FAM91A1: variants seen among roughly 807,000 people sequenced by gnomAD.
The protein encoded by FAM91A1 is family with sequence similarity 91 member A1, also known as protein FAM91A1.
In FAM91A1, 41 loss-of-function variants were observed where a neutral mutation model predicts 113.5. That is an observed-to-expected ratio of 0.36 (90% confidence interval 0.28 to 0.47). The LOEUF is 0.47. Ranked by LOEUF, FAM91A1 falls within the 20% of genes least tolerant of loss-of-function variation. FAM91A1 has a pLI of 1.00. For synonymous variants in FAM91A1, 307 were observed against 347.9 expected, an observed-to-expected ratio of 0.88 and a Z score of 1.31; for missense variants, 696 against 1,001.2, an observed-to-expected ratio of 0.70 and a Z score of 4.11.
At chr8:123,792,408 T>C (rs1263199956) in intron 15 of FAM91A1, among the ~76,000 whole-genome samples, 1 of 152,236 alleles carries the variant, frequency 6.6e-6, no homozygotes, top group African/African-American at 2.4e-5. Context: ...CACGGCGTAC[T>C]GTTTATAAAT....
chr8:123,795,597 C>A lies in FAM91A1; in HGVS notation c.1412-2493C>A, dbSNP rs780184639. Reference sequence around the variant, plus strand: ...CCTGTACAGCCTGCAGAACCATGAGCCAATTAAACCTGTTTTCTTCATAAA... The same window carrying A: ...CCTGTACAGCCTGCAGAACCATGAGACAATTAAACCTGTTTTCTTCATAAA... On this transcript the variant is annotated intron_variant, in intron 15 of 23. Transcript: ENST00000334705. Among the ~76,000 whole-genome samples the A allele has an allele frequency of 2.5e-4, 38 of 152,268 alleles. 2 individuals are homozygous for A. Among genetic ancestry groups the A allele is most frequent in the South Asian group, 6.2e-4 (3 of 4,812 alleles).
intron 15 of FAM91A1, among the ~76,000 whole-genome samples, chr8:123,797,463 C>T (rs1478892678): frequency 6.6e-6 from 1 of 152,176 alleles, no homozygotes; most frequent in Non-Finnish European, 1.5e-5. Context: ...TTGGAGACAA[C>T]AAGCCCAGTC....
intron 15 of FAM91A1, among the ~76,000 whole-genome samples, chr8:123,792,404 G>A (rs753346805): frequency 4.6e-5 from 7 of 152,100 alleles, no homozygotes; most frequent in African/African-American, 9.7e-5. Flanking sequence ...ATAGCACGGC[G>A]TACTGTTTAT....
intron 3 of FAM91A1, among the ~76,000 whole-genome samples, chr8:123,776,733 C>A (rs1258352429): frequency 1.3e-5 from 2 of 152,122 alleles, no homozygotes; most frequent in Non-Finnish European, 2.9e-5. Context: ...AGAAAACGGG[C>A]CTTATCCCCA....
chr8:123,804,343 T>C (rs1486545711), intron 18 of FAM91A1, among the ~76,000 whole-genome samples: 1 of 151,556 alleles, frequency 6.6e-6, no homozygotes, highest in Non-Finnish European at 1.5e-5. Flanking sequence ...AAAAAATAGT[T>C]AGCCGGGTGT....
At chr8:123,804,103 CAT>C (rs1334141018) in intron 18 of FAM91A1, among the ~76,000 whole-genome samples, 5 of 152,128 alleles carry the variant, frequency 3.3e-5, no homozygotes, top group Non-Finnish European at 7.4e-5. Context: ...TCATTTGTAA[CAT>C]GAGAGTGAAG....
chr8:123,801,478 C>T (rs1348466728), intron 18 of FAM91A1, among the ~76,000 whole-genome samples: 3 of 152,278 alleles, frequency 2.0e-5, no homozygotes, highest in South Asian at 2.1e-4. Context: ...ATAGGTTCTC[C>T]GTAAAGATTT....
At chr8:123,800,136 T>C (rs184377700) in intron 18 of FAM91A1, among the ~76,000 whole-genome samples, 1 of 152,056 alleles carries the variant, frequency 6.6e-6, no homozygotes, top group Non-Finnish European at 1.5e-5. Flanking sequence ...TGATTTTTTT[T>C]ATTTTTTTTT....
At position 123,805,995 on chromosome 8, in the gene FAM91A1, A is replaced by G; in HGVS notation, c.1883-85A>G. 4 of 1,293,704 alleles carry G rather than the reference A, an allele frequency of 3.1e-6. No individual in the cohort carries two copies. In the South Asian group the frequency reaches 8.7e-5, roughly 28 times the overall value. The allele number at this position is 1,293,704 out of a possible 1,614,324, so 80.1% of individuals were successfully genotyped here. ...GTATTAAAGTATAAAAGTAGTTCTA[A>G]GAGTTGTTTAATAAAGTATGTTTAA... On this transcript the variant is annotated intron_variant, in intron 19 of 23. Coordinates refer to ENST00000334705, the MANE Select transcript of FAM91A1 (RefSeq NM_144963.4).
rs1814755164 is a variant in FAM91A1 at position 123,768,481 on chromosome 8, C to T, written c.-222C>T. 2.2e-6 allele frequency: 1 copy of T among 463,102 alleles called. No individual in the cohort carries two copies. The highest frequency in any genetic ancestry group is 3.9e-5 in the South Asian group (1 of 25,350). The allele number at this position is 463,102 out of a possible 1,614,324, so 28.7% of individuals were successfully genotyped here. ...CCCGAAACTAGGAAGAAACTTGGAG[C>T]TGTTCAGGCGATCCAGCCTCCAATC... On this transcript the variant is annotated 5_prime_UTR_variant, in exon 1 of 24. Coordinates refer to ENST00000334705, the MANE Select transcript of FAM91A1 (RefSeq NM_144963.4).
At position 123,784,527 on chromosome 8, in the gene FAM91A1, T is replaced by C; in HGVS notation, c.761T>C (p.Leu254Pro). ...GTGCAAGGTGATTATTTTGAAACTC[T>C]ACTCTATAAGATATTTGTTTCAATA... is the stretch of plus-strand genomic sequence containing the variant. ...NRVQGDYFET[L>P]LYKIFVSIDE... The change falls in exon 9 of 24, where the codon CTA (leucine) becomes CCA (proline). Residue 254 changes from leucine to proline, a missense_variant. Leu to Pro is a moderately conservative substitution (Grantham distance 98). Coordinates refer to ENST00000334705, the MANE Select transcript of FAM91A1 (RefSeq NM_144963.4). 1 of 1,608,536 alleles carries C rather than the reference T, an allele frequency of 6.2e-7. No individual in the cohort carries two copies. Among genetic ancestry groups the C allele is most frequent in the Non-Finnish European group, 8.5e-7 (1 of 1,178,052 alleles).
chr8:123,770,980 T>G (rs538148194), intron 1 of FAM91A1, among the ~76,000 whole-genome samples: 2 of 152,358 alleles, frequency 1.3e-5, no homozygotes, highest in East Asian at 3.9e-4. Context: ...TCTCTTGCTC[T>G]TAGAATAGGA....
intron 15 of FAM91A1, among the ~76,000 whole-genome samples, chr8:123,795,215 G>A (rs1297616220): frequency 6.6e-6 from 1 of 152,190 alleles, no homozygotes; most frequent in Non-Finnish European, 1.5e-5. Context: ...AGCAGGAGAA[G>A]CAGTTTCTGT....
intron 23 of FAM91A1, chr8:123,811,467 G>C (rs973145775): frequency 6.6e-6 from 1 of 152,206 alleles, no homozygotes; most frequent in African/African-American, 2.4e-5. Context: ...GTCTGTTGTG[G>C]CAGTGAAGGC....
intron 8 of FAM91A1, 86 bp from the exon 9 acceptor site, chr8:123,784,384 T>G (rs1586376507): frequency 1.0e-6 from 1 of 978,226 alleles, no homozygotes; most frequent in Non-Finnish European, 1.5e-6. Flanking sequence ...AGTTAGAGGT[T>G]TCTTTTTTTA....
At chr8:123,770,231 G>A (rs1814808392) in intron 1 of FAM91A1, among the ~76,000 whole-genome samples, 2 of 152,202 alleles carry the variant, frequency 1.3e-5, no homozygotes, top group Admixed American at 6.5e-5. Flanking sequence ...GATTACAGGC[G>A]TGAGCCACAG....
At chr8:123,801,930 G>A (rs909104673) in intron 18 of FAM91A1, among the ~76,000 whole-genome samples, 2 of 152,106 alleles carry the variant, frequency 1.3e-5, no homozygotes, top group East Asian at 1.9e-4. Flanking sequence ...AACATGCCAG[G>A]GTCAATAAGC....
Position 123,806,212 on chromosome 8 carries a change from A to T in FAM91A1, c.2015A>T (p.Asp672Val), listed in dbSNP as rs1815806211. 6.2e-7 allele frequency: 1 copy of T among 1,612,000 alleles called. No individual in the cohort carries two copies. The highest frequency in any genetic ancestry group is 1.7e-5 in the Admixed American group (1 of 59,660). ...CAACTTGCAGATAGAAAACTCAGTG[A>T]TGCTTCTGATGAGAGAGGTTAGCCA... ...SSQLADRKLS[D>V]ASDERGEPDL... The change falls in exon 20 of 24, where the codon GAT becomes GTT. Residue 672 changes from aspartate to valine, a missense_variant. Asp to Val is a radical substitution (Grantham distance 152). Coordinates refer to ENST00000334705, the MANE Select transcript of FAM91A1 (RefSeq NM_144963.4).
At chr8:123,805,219 T>G in intron 18 of FAM91A1, 48 bp from the exon 19 acceptor site, 5 of 1,418,846 alleles carry the variant, frequency 3.5e-6, no homozygotes, top group Non-Finnish European at 4.9e-6. Flanking sequence ...TATCAGTGAT[T>G]GGAAATGAAG....
Sources: gnomAD v4.1 joint callset for allele counts (sites outside exome capture counted in the v4.1 genomes callset) on GRCh38, gnomAD v4.1.1 for gene constraint, MANE v1.5 for transcripts, NCBI Gene and HGNC (gene_info 2026-07-23, HGNC 2026-07-21) for gene names.